CRPPA: variants seen among roughly 807,000 people sequenced by gnomAD.
CRPPA encodes the protein D-ribitol-5-phosphate cytidylyltransferase.
A neutral mutation model predicts 52.0 loss-of-function variants in CRPPA; 43 were observed. That is an observed-to-expected ratio of 0.83 (90% CI 0.65 to 1.07). The LOEUF is 1.07. CRPPA is among the 50% of genes least tolerant of loss of function. The pLI, the probability that CRPPA is intolerant of heterozygous loss-of-function variation, is 0.00. For synonymous variants in CRPPA, 250 were observed against 203.5 expected, an observed-to-expected ratio of 1.23 and a Z score of -1.94; for missense variants, 629 against 551.7, an observed-to-expected ratio of 1.14 and a Z score of -1.40.
intron 9 of CRPPA, among the ~76,000 whole-genome samples, chr7:16,215,280 A>G (rs1782273371): frequency 6.6e-6 from 1 of 152,240 alleles, no homozygotes; most frequent in Non-Finnish European, 1.5e-5. Flanking sequence ...AGACTCTTGT[A>G]TGGTACCTCC....
At chr7:16,354,041 TA>T (rs1342653606) in intron 3 of CRPPA, among the ~76,000 whole-genome samples, 2 of 151,936 alleles carry the variant, frequency 1.3e-5, no homozygotes, top group African/African-American at 4.8e-5. Flanking sequence ...AGCTATACCA[TA>T]AAAAATTGTT....
chr7:16,411,302 C>T (rs1788072132), intron 1 of CRPPA, among the ~76,000 whole-genome samples: 1 of 152,078 alleles, frequency 6.6e-6, no homozygotes, highest in South Asian at 2.1e-4. Flanking sequence ...GACTCTGGGG[C>T]CTATAACTTT....
At chr7:16,372,966 T>C (rs1041791964) in intron 3 of CRPPA, among the ~76,000 whole-genome samples, 3 of 152,306 alleles carry the variant, frequency 2.0e-5, no homozygotes, top group African/African-American at 7.2e-5. Flanking sequence ...GTAAGACTTC[T>C]TTGAGGAGGT....
Position 16,421,061 on chromosome 7 carries a change from A to T in CRPPA, c.257+5T>A. ...AACCGCGGGGCGCGCCCGGCGCCGCATTACCTCTCCAGGGCCTGTAGGGTG... is the reference window on the plus strand; with the variant it reads ...AACCGCGGGGCGCGCCCGGCGCCGCTTTACCTCTCCAGGGCCTGTAGGGTG... On this transcript the variant is annotated splice_donor_5th_base_variant and intron_variant, in intron 1 of 9. Coordinates refer to ENST00000407010, the MANE Select transcript of CRPPA (RefSeq NM_001101426.4). 1 of 1,266,194 alleles carries T rather than the reference A, an allele frequency of 7.9e-7. No homozygotes were observed. The highest frequency in any genetic ancestry group is 1.0e-6 in the Non-Finnish European group (1 of 998,338). 78.4% of individuals were successfully genotyped at this position (1,266,194 alleles called of 1,614,324 possible).
intron 9 of CRPPA, among the ~76,000 whole-genome samples, chr7:16,144,656 G>C (rs781751099): frequency 4.6e-5 from 7 of 152,084 alleles, no homozygotes; most frequent in African/African-American, 1.4e-4. Context: ...CTCTCTACTG[G>C]GTGGGGGGAG....
At chr7:16,267,254 T>C (rs1783979971) in intron 6 of CRPPA, among the ~76,000 whole-genome samples, 1 of 152,226 alleles carries the variant, frequency 6.6e-6, no homozygotes, top group South Asian at 2.1e-4. Flanking sequence ...GTTTCTGCCC[T>C]TAAGAAGTTT....
At chr7:16,200,434 C>T (rs756294903) in intron 9 of CRPPA, among the ~76,000 whole-genome samples, 44 of 152,102 alleles carry the variant, frequency 2.9e-4, no homozygotes, top group Non-Finnish European at 5.1e-4. Flanking sequence ...ATAGTAACAT[C>T]GACAATGATC....
chr7:16,372,640 A>T (rs1786777712), intron 3 of CRPPA, among the ~76,000 whole-genome samples: 1 of 152,192 alleles, frequency 6.6e-6, no homozygotes, highest in Non-Finnish European at 1.5e-5. Flanking sequence ...ATAATGAAAA[A>T]AAGGACCTAG....
intron 2 of CRPPA, among the ~76,000 whole-genome samples, chr7:16,399,416 ATG>A (rs1787729520): frequency 2.3e-5 from 1 of 43,350 alleles, no homozygotes; most frequent in Non-Finnish European, 4.0e-5. Flanking sequence ...CCTTTGTGAC[ATG>A]TGACAAGTGA....
chr7:16,156,274 T>C (rs1434662328), intron 9 of CRPPA, among the ~76,000 whole-genome samples: 2 of 152,208 alleles, frequency 1.3e-5, no homozygotes, highest in Non-Finnish European at 2.9e-5. Flanking sequence ...CACTGTTCTA[T>C]CTTAGACAAG....
At chr7:16,099,620 C>A (rs1012996374) in intron 9 of CRPPA, among the ~76,000 whole-genome samples, 4 of 152,112 alleles carry the variant, frequency 2.6e-5, no homozygotes, top group African/African-American at 9.7e-5. Context: ...AGGAAAGACA[C>A]AAACTACAGT....
intron 8 of CRPPA, among the ~76,000 whole-genome samples, chr7:16,219,086 A>T (rs1201113055): frequency 6.6e-6 from 1 of 152,218 alleles, no homozygotes; most frequent in Non-Finnish European, 1.5e-5. Flanking sequence ...AATTATAACG[A>T]ATTATCTCTC....
intron 9 of CRPPA, among the ~76,000 whole-genome samples, chr7:16,154,053 C>T (rs961441599): frequency 4.7e-5 from 7 of 149,200 alleles, no homozygotes; most frequent in South Asian, 2.2e-4. Context: ...CAGGTCATCT[C>T]GTATGGTCAA....
At chr7:16,390,109 T>C (rs1787404648) in intron 2 of CRPPA, among the ~76,000 whole-genome samples, 1 of 151,568 alleles carries the variant, frequency 6.6e-6, no homozygotes, top group Admixed American at 6.6e-5. Context: ...TCCTGGCTTC[T>C]AATGGCCAAT....
At chr7:16,397,164 C>T (rs766074321) in intron 2 of CRPPA, among the ~76,000 whole-genome samples, 39 of 152,354 alleles carry the variant, frequency 2.6e-4, no homozygotes, top group Non-Finnish European at 4.9e-4. Flanking sequence ...TAGCAAAATG[C>T]CAATGACACG....
chr7:16,339,019 G>A (rs538431607), intron 3 of CRPPA, among the ~76,000 whole-genome samples: 31 of 151,626 alleles, frequency 2.0e-4, no homozygotes, highest in African/African-American at 7.2e-5. Context: ...GGGCTTCACC[G>A]TGGTCTCGAT....
Position 16,406,126 on chromosome 7 carries a change from C to T in CRPPA, c.469G>A (p.Ala157Thr), listed in dbSNP as rs1787947133. Residue 157 changes from alanine (A) to threonine (T), a missense_variant, in exon 2 of 10, where the codon GCT becomes ACT. By Grantham distance (58) the Ala-to-Thr change is moderately conservative. Coordinates refer to ENST00000407010, the MANE Select transcript of CRPPA (RefSeq NM_001101426.4). ...SKPEVVIIHD[A>T]VRPFVEEGVL... ...CCTTCCTCAACAAATGGTCTCACAG[C>T]ATCATGGATAATCACTACTTCTGGC... is the stretch of plus-strand genomic sequence containing the variant. 1 of 1,613,942 alleles carries T rather than the reference C, an allele frequency of 6.2e-7. No homozygotes were observed. The highest frequency in any genetic ancestry group is 8.5e-7 in the Non-Finnish European group (1 of 1,179,858).
chr7:16,407,958 A>G (rs1361373353), intron 1 of CRPPA, among the ~76,000 whole-genome samples: 1 of 152,036 alleles, frequency 6.6e-6, no homozygotes, highest in African/African-American at 2.4e-5. Context: ...AATATAAAAA[A>G]TCAACCAGGT....
At chr7:16,218,981 G>A (rs1413604748) in intron 8 of CRPPA, among the ~76,000 whole-genome samples, 2 of 152,228 alleles carry the variant, frequency 1.3e-5, no homozygotes, top group East Asian at 3.9e-4. Flanking sequence ...CAAATCAACA[G>A]AATATACATT....
Sources: gnomAD v4.1 joint callset for allele counts (sites outside exome capture counted in the v4.1 genomes callset) on GRCh38, gnomAD v4.1.1 for gene constraint, MANE v1.5 for transcripts, NCBI Gene and HGNC (gene_info 2026-07-23, HGNC 2026-07-21) for gene names.